ITGA8: variants seen among roughly 807,000 people sequenced by gnomAD.
The protein encoded by ITGA8 is integrin alpha-8.
Under a neutral mutation model 142.3 loss-of-function variants are expected in ITGA8, and 91 were observed. That is an observed-to-expected ratio of 0.64 (90% CI 0.54 to 0.76). The LOEUF (loss-of-function observed/expected upper bound fraction) is 0.76, where lower values mean the gene tolerates loss of function less well. ITGA8 is among the 30% of genes least tolerant of loss of function. ITGA8 has a pLI of 0.00. For synonymous variants in ITGA8, 505 were observed against 485.2 expected (o/e 1.04, Z -0.54); for missense variants, 1,406 against 1,327.7 (o/e 1.06, Z -0.92).
chr10:15,649,863 C>G (rs534089039), intron 11 of ITGA8, among the ~76,000 whole-genome samples: 1 of 152,240 alleles, frequency 6.6e-6, no homozygotes, highest in Non-Finnish European at 1.5e-5. Flanking sequence ...AATGATACAG[C>G]CATTTTGGAA....
At chr10:15,540,518 G>C (rs1462710450) in intron 27 of ITGA8, among the ~76,000 whole-genome samples, 2 of 152,192 alleles carry the variant, frequency 1.3e-5, no homozygotes, top group Admixed American at 1.3e-4. Flanking sequence ...AAGAAAATGA[G>C]ATGCTCGCCT....
At chr10:15,572,515 A>AG in intron 24 of ITGA8, 146 bp from the exon 25 acceptor site, 1 of 703,178 alleles carries the variant, frequency 1.4e-6, no homozygotes, top group Non-Finnish European at 2.2e-6. Flanking sequence ...AAGAAAATTC[A>AG]AAGTCGATAT....
At chr10:15,647,763 A>G (rs1256260759) in intron 11 of ITGA8, among the ~76,000 whole-genome samples, 1 of 152,152 alleles carries the variant, frequency 6.6e-6, no homozygotes, top group East Asian at 1.9e-4. Context: ...CGCCCGGCCA[A>G]TTATTCAGTT....
intron 13 of ITGA8, among the ~76,000 whole-genome samples, chr10:15,617,829 A>C (rs1833422415): frequency 6.6e-6 from 1 of 152,216 alleles, no homozygotes; most frequent in Non-Finnish European, 1.5e-5. Context: ...GAACCAACCT[A>C]AGTGTCCATC....
chr10:15,669,329 C>T (rs1258539066), intron 8 of ITGA8, among the ~76,000 whole-genome samples: 1 of 152,226 alleles, frequency 6.6e-6, no homozygotes, highest in Non-Finnish European at 1.5e-5. Flanking sequence ...GAGGCTTCTG[C>T]ATTTGTCACG....
At chr10:15,709,221 C>T (rs1295454726) in intron 2 of ITGA8, among the ~76,000 whole-genome samples, 5 of 152,158 alleles carry the variant, frequency 3.3e-5, no homozygotes, top group African/African-American at 2.4e-5. Flanking sequence ...AAAAGAATAA[C>T]GTGCAAGAGA....
chr10:15,610,478 T>C (rs1833273375), intron 15 of ITGA8, among the ~76,000 whole-genome samples: 1 of 137,936 alleles, frequency 7.2e-6, no homozygotes, highest in Non-Finnish European at 1.6e-5. Context: ...GTATGGCCCA[T>C]TAGTCTAAAT....
intron 26 of ITGA8, among the ~76,000 whole-genome samples, chr10:15,555,533 A>C (rs1386905111): frequency 6.6e-6 from 1 of 152,182 alleles, no homozygotes; most frequent in Non-Finnish European, 1.5e-5. Context: ...CAAGTCTAGG[A>C]GCCATTCACA....
intron 23 of ITGA8, 64 bp from the exon 24 acceptor site, chr10:15,575,658 G>A: frequency 8.1e-7 from 1 of 1,242,148 alleles, no homozygotes; most frequent in Non-Finnish European, 1.2e-6. Flanking sequence ...TTTACTAGTG[G>A]ACAGTATACT....
intron 15 of ITGA8, among the ~76,000 whole-genome samples, chr10:15,612,310 A>C (rs975160680): frequency 1.2e-4 from 18 of 152,184 alleles, no homozygotes; most frequent in Non-Finnish European, 2.4e-4. Context: ...ACTCCTGTCA[A>C]AAGGCCATCA....
At chr10:15,544,056 A>G (rs1385257072) in intron 27 of ITGA8, among the ~76,000 whole-genome samples, 1 of 152,194 alleles carries the variant, frequency 6.6e-6, no homozygotes, top group Non-Finnish European at 1.5e-5. Context: ...GTGCTTTGGG[A>G]GGCCAAGGCA....
intron 25 of ITGA8, among the ~76,000 whole-genome samples, chr10:15,571,892 TC>T (rs1160059415): frequency 6.6e-6 from 1 of 152,188 alleles, no homozygotes; most frequent in Non-Finnish European, 1.5e-5. Context: ...ATACTAATTC[TC>T]CCAGATGTGA....
Position 15,575,683 on chromosome 10 carries a change from A to G in ITGA8, c.2373-89T>C, listed in dbSNP as rs1834277406. ...GACAGTATACTAACAGAAGCAGAAG[A>G]AAGTGGTTTTCAATTTATTTGAGTA... On this transcript the variant is annotated intron_variant, in intron 23 of 29. Transcript: ENST00000378076. 3 of 1,056,104 alleles carry G rather than the reference A, an allele frequency of 2.8e-6. No homozygotes were observed. The South Asian group carries it at 3.9e-5, about 14-fold the overall frequency. 65.4% of individuals were successfully genotyped at this position (1,056,104 alleles called of 1,614,324 possible). A position where few individuals can be genotyped will look rare whatever the true frequency, so the allele number is the denominator to read the frequency against.
At chr10:15,593,170 C>T (rs1832954607) in intron 21 of ITGA8, among the ~76,000 whole-genome samples, 2 of 152,188 alleles carry the variant, frequency 1.3e-5, no homozygotes, top group African/African-American at 4.8e-5. Context: ...GTTACAGTTA[C>T]ATGGATTACT....
chr10:15,586,945 A>C (rs925177103), intron 22 of ITGA8, among the ~76,000 whole-genome samples: 1 of 150,384 alleles, frequency 6.6e-6, no homozygotes, highest in South Asian at 2.1e-4. Flanking sequence ...TTTTTTTGAG[A>C]CGGAGTCTCC....
intron 13 of ITGA8, among the ~76,000 whole-genome samples, chr10:15,636,467 C>G (rs1015754925): frequency 6.6e-6 from 1 of 152,142 alleles, no homozygotes; most frequent in Non-Finnish European, 1.5e-5. Flanking sequence ...AGCCTAAAAA[C>G]GTATTGGGTG....
chr10:15,567,847 A>G (rs1834106819), intron 25 of ITGA8, among the ~76,000 whole-genome samples: 1 of 152,138 alleles, frequency 6.6e-6, no homozygotes, highest in Non-Finnish European at 1.5e-5. Context: ...CTCACGCCCT[A>G]AGGGTTGAAA....
rs1314758324 is a variant in ITGA8, at chr10:15,614,666, G to A, written c.1446-899C>T. Among the ~76,000 whole-genome samples the A allele has an allele frequency of 5.3e-5, 8 of 152,246 alleles. No individual in the cohort carries two copies. The East Asian group carries it at 1.5e-3, about 29-fold the overall frequency. On this transcript the variant is annotated intron_variant, in intron 14 of 29. Transcript: ENST00000378076. ...TGGAAGCCAAAGTCCTCAAATGACA[G>A]GGAGAAATGAAGCCATGTTGGATAA...
chr10:15,521,704 A>G (rs1052021439), intron 28 of ITGA8, among the ~76,000 whole-genome samples: 2 of 152,208 alleles, frequency 1.3e-5, no homozygotes, highest in African/African-American at 4.8e-5. Context: ...ATGACAGTCC[A>G]TCACCACGGT....
Sources: gnomAD v4.1 joint callset for allele counts (sites outside exome capture counted in the v4.1 genomes callset) on GRCh38, gnomAD v4.1.1 for gene constraint, MANE v1.5 for transcripts, NCBI Gene and HGNC (gene_info 2026-07-23, HGNC 2026-07-21) for gene names.